The following COL18A1 variants were observed in gnomAD, a reference collection of about 807,000 sequenced individuals.
COL18A1 encodes collagen alpha-1(XVIII) chain.
A neutral mutation model predicts 168.0 loss-of-function variants in COL18A1; 133 were observed. The ratio of observed to expected loss-of-function variants is 0.79; its 90% CI spans 0.69 to 0.91. The LOEUF (loss-of-function observed/expected upper bound fraction) is 0.91. Among genes scored for constraint, COL18A1 ranks in the 40% least tolerant of loss-of-function variants. COL18A1 has a pLI of 0.00. For missense variants in COL18A1, 2,126 were observed against 1,925.4 expected, an observed-to-expected ratio of 1.10 and a Z score of -1.95; for synonymous variants, 949 against 809.0, an observed-to-expected ratio of 1.17 and a Z score of -2.94.
At chr21:45,431,007 C>CGG (rs1304533144) in intron 2 of COL18A1, among the ~76,000 whole-genome samples, 1 of 152,260 alleles carries the variant, frequency 6.6e-6, no homozygotes, top group East Asian at 1.9e-4. Context: ...TGCCTGTTGA[C>CGG]GGGCGGGCCG....
intron 22 of COL18A1, among the ~76,000 whole-genome samples, chr21:45,491,594 G>C (rs76406807): frequency 0.074 from 10,746 of 145,478 alleles, 487 homozygotes; most frequent in African/African-American, 0.13. Context: ...CTCACTCCCT[G>C]TGTCCTTGAC....
At chr21:45,510,635 T>C (rs62214277) in intron 40 of COL18A1, among the ~76,000 whole-genome samples, 1,905 of 152,328 alleles carry the variant, frequency 0.013, 27 homozygotes, top group East Asian at 0.035. Flanking sequence ...TCTAGTGCCA[T>C]GCGGGCTGGT....
rs377006810 is a variant in COL18A1, at chr21:45,437,298, ACACT to A, written c.107-30940_107-30937del. Reference sequence around the variant, plus strand: ...CACAGGCACTCTCCTGCACACACACACACTCACACAGGCACTCTCCTGCACACAC... The same window carrying A: ...CACAGGCACTCTCCTGCACACACACACACACAGGCACTCTCCTGCACACAC... On this transcript the variant is annotated intron_variant, in intron 2 of 41. Coordinates refer to ENST00000651438, the MANE Select transcript of COL18A1 (RefSeq NM_001379500.1). Among the ~76,000 whole-genome samples the A allele has an allele frequency of 5.6e-4, 68 of 121,658 alleles. 2 individuals are homozygous for A. The highest frequency in any genetic ancestry group is 3.8e-3 in the East Asian group (14 of 3,650). The allele number at this position is 121,658 out of a possible 152,430, so 79.8% of individuals were successfully genotyped here. A position where few individuals can be genotyped will look rare whatever the true frequency, so the allele number is the denominator to read the frequency against.
At chr21:45,411,759 C>CGGGGGGGGGGGGGGGGGGGG (rs1437966551) in intron 2 of COL18A1, among the ~76,000 whole-genome samples, 1 of 7,574 alleles carries the variant, frequency 1.3e-4, no homozygotes. Context: ...GGGCTGATGG[C>CGGGGGGGGGGGGGGGGGGGG]GGGGGGTGGG....
Position 45,491,247 on chromosome 21 carries a change from T to G in COL18A1, c.2090T>G (p.Val697Gly). ...GEKGDPGKDG[V>G]GQPGLPGPPG... ...CAGGGAGATCCAGGGAAGGACGGAG[T>G]CGGGCAGCCGGGCCTCCCTGGCCCC... The change falls in exon 22 of 42, where the codon GTC becomes GGC. Residue 697 changes from valine to glycine, a missense_variant. Physicochemically the swap from Val to Gly is moderately radical, Grantham distance 109 (BLOSUM62 -3). Transcript: ENST00000651438. The G allele has an allele frequency of 6.2e-7, 1 of 1,611,518 alleles. No homozygotes were observed.
At position 45,472,555 on chromosome 21, in the gene COL18A1, T is replaced by C. The variant is rs377748906; in HGVS notation, c.652-1340T>C. On this transcript the variant is annotated intron_variant, in intron 3 of 41. Coordinates refer to ENST00000651438, the MANE Select transcript of COL18A1 (RefSeq NM_001379500.1). ...TTCAACCCCAGCTCCTCCCTGGGCC[T>C]GACCTGGGGGCTCCTGAATGTGAAG... is the stretch of plus-strand genomic sequence containing the variant. 3.0e-4 allele frequency among the ~76,000 whole-genome samples: 45 copies of C among 152,322 alleles called. No individual in the cohort carries two copies. The East Asian group carries it at 3.1e-3, about 10-fold the overall frequency.
chr21:45,494,412 C>T (rs1045053130), intron 26 of COL18A1, 133 bp from the exon 27 acceptor site: 14 of 1,286,788 alleles, frequency 1.1e-5, no homozygotes, highest in African/African-American at 2.9e-5. Flanking sequence ...GGGACCACAG[C>T]GGCCCTTAGG....
rs748974824 is a variant in COL18A1, at chr21:45,512,312, A to G, written c.3934A>G (p.Arg1312Gly). Residue 1312 changes from arginine to glycine, a missense_variant, in exon 42 of 42, where the codon AGG becomes GGG. By Grantham distance (125) the Arg-to-Gly change is moderately radical. Transcript: ENST00000651438. ...TGQASSLLGG[R>G]LLGQSAASCH... ...CCAGGCCTCCTCGCTGCTGGGGGGC[A>G]GGCTCCTGGGGCAGAGTGCCGCGAG... is the stretch of plus-strand genomic sequence containing the variant. 6.2e-7 allele frequency: 1 copy of G among 1,612,472 alleles called. No individual in the cohort carries two copies. Among genetic ancestry groups the G allele is most frequent in the South Asian group, 1.1e-5 (1 of 91,042 alleles).
chr21:45,450,474 C>T (rs1286206177), intron 2 of COL18A1, among the ~76,000 whole-genome samples: 2 of 152,206 alleles, frequency 1.3e-5, no homozygotes, highest in South Asian at 2.1e-4. Context: ...ACGGTTGGGG[C>T]CTTCAGCCCG....
At chr21:45,479,339 TACAC>T (rs544111685) in intron 9 of COL18A1, among the ~76,000 whole-genome samples, 3,475 of 146,106 alleles carry the variant, frequency 0.024, 54 homozygotes, top group Middle Eastern at 0.06. Context: ...TACACTTGCA[TACAC>T]ACACTACACA....
intron 2 of COL18A1, among the ~76,000 whole-genome samples, chr21:45,431,361 G>A: frequency 6.6e-6 from 1 of 150,446 alleles, no homozygotes; most frequent in South Asian, 2.1e-4. Context: ...GCCCAGGGGA[G>A]GGGGGCAGGC....
intron 38 of COL18A1, among the ~76,000 whole-genome samples, chr21:45,508,300 G>A (rs1266165200): frequency 6.7e-6 from 1 of 150,180 alleles, no homozygotes; most frequent in Non-Finnish European, 1.5e-5. Flanking sequence ...AGGTGGATGG[G>A]TGGTTGCTGG....
chr21:45,510,156 G>A lies in COL18A1; in HGVS notation c.3588G>A (p.Val1196=), dbSNP rs777538527. The change falls in exon 40 of 42, where the codon GTG becomes GTA. Residue 1196 remains valine, a synonymous_variant. Coordinates refer to ENST00000651438, the MANE Select transcript of COL18A1 (RefSeq NM_001379500.1). ...AGTGCTTCCAGCAGGCGCGGGCCGT[G>A]GGGCTGGCGGGCACCTTCCGCGCCT... is the stretch of plus-strand genomic sequence containing the variant. The part of the protein sequence containing the change: ...DFQCFQQARA[V]GLAGTFRAFL... 1.9e-6 allele frequency: 3 copies of A among 1,596,480 alleles called. No homozygotes were observed. Among genetic ancestry groups the A allele is most frequent in the South Asian group, 1.1e-5 (1 of 88,838 alleles).
rs1338339049 is a variant in COL18A1 at position 45,443,740 on chromosome 21, G to A, written c.107-24502G>A. Among the ~76,000 whole-genome samples the A allele has an allele frequency of 2.0e-5, 3 of 152,234 alleles. No homozygotes were observed. The highest frequency in any genetic ancestry group is 2.0e-4 in the Admixed American group (3 of 15,288). On this transcript the variant is annotated intron_variant, in intron 2 of 41. Transcript: ENST00000651438. The surrounding 1 kb of genome is among the most constrained non-coding windows in gnomAD (Gnocchi z 5.2). ...AATCAAGTGCCAATTTCCTGGTGAAGAGTCTTTATGAGAGCAATGCGGCCC... is the reference window on the plus strand; with the variant it reads ...AATCAAGTGCCAATTTCCTGGTGAAAAGTCTTTATGAGAGCAATGCGGCCC...
chr21:45,453,627 C>G lies in COL18A1; in HGVS notation c.107-14615C>G, dbSNP rs3810587. Among the ~76,000 whole-genome samples, 63 of 152,154 alleles carry G rather than the reference C, an allele frequency of 4.1e-4. No individual in the cohort carries two copies. The East Asian group carries it at 0.01, about 24-fold the overall frequency. ...GAACCCCAATGGTGGACAGGAAGCT[C>G]TCAAAGCACTTAGAGGTGGAGGAGT... is the stretch of plus-strand genomic sequence containing the variant. On this transcript the variant is annotated intron_variant, in intron 2 of 41. Transcript: ENST00000651438.
chr21:45,491,085 C>T, intron 21 of COL18A1, 140 bp from the exon 22 acceptor site: 1 of 864,764 alleles, frequency 1.2e-6, no homozygotes, highest in African/African-American at 1.7e-5. Context: ...TGGCAGGGGG[C>T]TCCAAGGCCA....
Position 45,512,640 on chromosome 21 carries a change from C to A in COL18A1, c.*242C>A. 1 of 575,134 alleles carries A rather than the reference C, an allele frequency of 1.7e-6. No homozygotes were observed. Among genetic ancestry groups the A allele is most frequent in the South Asian group, 2.0e-5 (1 of 50,176 alleles). The allele number at this position is 575,134 out of a possible 1,614,324, so 35.6% of individuals were successfully genotyped here. ...CCCCAACTCTCCCCTGACCTGTGAG[C>A]CCAGCTGGGTCAGGCAGGGTGCAGT... is the stretch of plus-strand genomic sequence containing the variant. On this transcript the variant is annotated 3_prime_UTR_variant, in exon 42 of 42. Transcript: ENST00000651438.
intron 2 of COL18A1, among the ~76,000 whole-genome samples, chr21:45,415,612 C>T (rs1434926509): frequency 3.3e-5 from 5 of 152,326 alleles, no homozygotes; most frequent in South Asian, 2.1e-4. Context: ...GGCAGGCGGC[C>T]GGGGCAGGCC....
intron 40 of COL18A1, 89 bp downstream of exon 40, chr21:45,510,350 C>T: frequency 7.3e-7 from 1 of 1,371,880 alleles, no homozygotes; most frequent in Non-Finnish European, 1.0e-6. Context: ...CCCTCTAGGG[C>T]CTCTGGAGGC....
Sources: gnomAD v4.1 joint callset for allele counts (sites outside exome capture counted in the v4.1 genomes callset) on GRCh38, gnomAD v4.1.1 for gene constraint, Gnocchi (gnomAD v3.1) non-coding constraint, MANE v1.5 for transcripts, NCBI Gene and HGNC (gene_info 2026-07-23, HGNC 2026-07-21) for gene names.